Variants in FMNL2 observed in about 807,000 individuals in gnomAD.
The protein encoded by FMNL2 is formin-like protein 2.
A neutral mutation model predicts 130.2 loss-of-function variants in FMNL2; 51 were observed. The ratio of observed to expected loss-of-function variants is 0.39; its 90% confidence interval spans 0.31 to 0.49. The LOEUF is 0.49. FMNL2 is among the 20% of genes least tolerant of loss of function. FMNL2 has a pLI of 0.85. For synonymous variants in FMNL2, 465 were observed against 467.1 expected, an observed-to-expected ratio of 1.00 and a Z score of 0.06; for missense variants, 977 against 1,316.2, an observed-to-expected ratio of 0.74 and a Z score of 3.99.
intron 4 of FMNL2, among the ~76,000 whole-genome samples, chr2:152,557,559 CAAAG>C (rs778387824): frequency 6.6e-6 from 1 of 152,122 alleles, no homozygotes; most frequent in Non-Finnish European, 1.5e-5. Context: ...GAGGATGAAA[CAAAG>C]AACCCCTTCC....
At chr2:152,498,218 A>G (rs752640434) in intron 1 of FMNL2, among the ~76,000 whole-genome samples, 52 of 152,202 alleles carry the variant, frequency 3.4e-4, no homozygotes, top group Non-Finnish European at 6.6e-4. Context: ...CTTGGAGGCT[A>G]TCTTAAAATT....
intron 1 of FMNL2, among the ~76,000 whole-genome samples, chr2:152,424,501 C>T (rs942044271): frequency 4.6e-5 from 7 of 151,986 alleles, no homozygotes; most frequent in Admixed American, 2.6e-4. Context: ...AGTGATTCTC[C>T]TGCCTCAGCC....
intron 4 of FMNL2, among the ~76,000 whole-genome samples, chr2:152,550,707 C>G (rs1694888960): frequency 6.6e-6 from 1 of 152,192 alleles, no homozygotes; most frequent in Non-Finnish European, 1.5e-5. Flanking sequence ...CATTTAGACT[C>G]AGCACATTTA....
chr2:152,341,746 G>A (rs1407016576), intron 1 of FMNL2, among the ~76,000 whole-genome samples: 1 of 152,228 alleles, frequency 6.6e-6, no homozygotes, highest in Non-Finnish European at 1.5e-5. Flanking sequence ...GCTTTCAGGT[G>A]GAAATGTGTG....
At chr2:152,559,493 G>A (rs1399709267) in intron 5 of FMNL2, among the ~76,000 whole-genome samples, 2 of 152,070 alleles carry the variant, frequency 1.3e-5, no homozygotes, top group East Asian at 1.9e-4. Flanking sequence ...CAGTAGAGAC[G>A]GGGTTTCACC....
At chr2:152,420,313 T>A (rs1346689537) in intron 1 of FMNL2, among the ~76,000 whole-genome samples, 1 of 152,230 alleles carries the variant, frequency 6.6e-6, no homozygotes, top group East Asian at 1.9e-4. Flanking sequence ...TTGGTAGAAC[T>A]GAGTTAAAAA....
intron 7 of FMNL2, among the ~76,000 whole-genome samples, chr2:152,575,773 G>T (rs1444271663): frequency 6.6e-6 from 1 of 152,156 alleles, no homozygotes; most frequent in Non-Finnish European, 1.5e-5. Flanking sequence ...AGAGACAGTG[G>T]TTCTCAAAGG....
chr2:152,497,421 T>C (rs1691575008), intron 1 of FMNL2, among the ~76,000 whole-genome samples: 1 of 152,216 alleles, frequency 6.6e-6, no homozygotes, highest in Non-Finnish European at 1.5e-5. Context: ...TTAGGTTCTC[T>C]TATTTCATTT....
chr2:152,577,880 A>G (rs1696562539), intron 7 of FMNL2, among the ~76,000 whole-genome samples: 1 of 152,214 alleles, frequency 6.6e-6, no homozygotes, highest in South Asian at 2.1e-4. Flanking sequence ...TGTAAAGGAT[A>G]GCAGAGAAAT....
At chr2:152,346,491 A>C (rs1242821093) in intron 1 of FMNL2, among the ~76,000 whole-genome samples, 1 of 151,874 alleles carries the variant, frequency 6.6e-6, no homozygotes. Context: ...GAAAATTAAA[A>C]AAAGAAACCA....
At chr2:152,356,703 C>A in intron 1 of FMNL2, among the ~76,000 whole-genome samples, 1 of 146,190 alleles carries the variant, frequency 6.8e-6, no homozygotes, top group East Asian at 2.0e-4. Flanking sequence ...ATCCTTTTTG[C>A]TTTCTATTTA....
At chr2:152,482,160 T>C (rs564218132) in intron 1 of FMNL2, among the ~76,000 whole-genome samples, 2 of 152,258 alleles carry the variant, frequency 1.3e-5, no homozygotes, top group African/African-American at 4.8e-5. Flanking sequence ...TTCAAATTCC[T>C]AAATGAAAAC....
At position 152,408,600 on chromosome 2, in the gene FMNL2, A is replaced by AC. The variant is rs1237574878; in HGVS notation, c.117+72883dup. ...TACGGGTTTTTTTTTGCCCTGATAAACCCATTGTAAGTTGAAAATATTGAC... is the reference window on the plus strand; with the variant it reads ...TACGGGTTTTTTTTTGCCCTGATAAACCCCATTGTAAGTTGAAAATATTGAC... On this transcript the variant is annotated intron_variant, in intron 1 of 25. Transcript: ENST00000288670. 2.6e-5 allele frequency among the ~76,000 whole-genome samples: 4 copies of AC among 152,122 alleles called. No individual in the cohort carries two copies. In the East Asian group the frequency reaches 7.7e-4, roughly 29 times the overall value.
chr2:152,580,214 C>T (rs1174005824), intron 8 of FMNL2, among the ~76,000 whole-genome samples: 1 of 151,948 alleles, frequency 6.6e-6, no homozygotes, highest in Non-Finnish European at 1.5e-5. Flanking sequence ...AGCTGTTATT[C>T]CAGAAAAAAA....
At chr2:152,456,744 C>T (rs1314470001) in intron 1 of FMNL2, among the ~76,000 whole-genome samples, 3 of 151,942 alleles carry the variant, frequency 2.0e-5, no homozygotes, top group Non-Finnish European at 4.4e-5. Context: ...GAGTTTGAGA[C>T]CAGCCTGACC....
chr2:152,408,979 A>G lies in FMNL2; in HGVS notation c.117+73259A>G, dbSNP rs567862629. Among the ~76,000 whole-genome samples, 6 of 152,316 alleles carry G rather than the reference A, an allele frequency of 3.9e-5. 1 individual carries two copies. The South Asian group carries it at 1.2e-3, about 32-fold the overall frequency. The stretch of plus-strand genomic sequence containing the variant: ...TTGATTTCTAAAGTCAATCCTTAGC[A>G]GATACTTTAAAACAACAAAGAACTA... On this transcript the variant is annotated intron_variant, in intron 1 of 25. Transcript: ENST00000288670.
chr2:152,607,007 T>TG (rs1559003090), intron 9 of FMNL2, among the ~76,000 whole-genome samples: 6 of 103,698 alleles, frequency 5.8e-5, no homozygotes, highest in African/African-American at 2.1e-4. Flanking sequence ...TTTTTTTTTG[T>TG]TTTTTTTTTT....
chr2:152,372,316 A>G (rs1048816743), intron 1 of FMNL2, among the ~76,000 whole-genome samples: 2 of 152,184 alleles, frequency 1.3e-5, no homozygotes, highest in Non-Finnish European at 2.9e-5. Context: ...TGTCAGATTT[A>G]TGTTTCCTAA....
intron 1 of FMNL2, among the ~76,000 whole-genome samples, chr2:152,468,512 A>G (rs1370416150): frequency 6.6e-6 from 1 of 152,182 alleles, no homozygotes; most frequent in Non-Finnish European, 1.5e-5. Flanking sequence ...TCTGCTGAAA[A>G]TTTAGCATGT....
Sources: gnomAD v4.1 joint callset for allele counts (sites outside exome capture counted in the v4.1 genomes callset) on GRCh38, gnomAD v4.1.1 for gene constraint, MANE v1.5 for transcripts, NCBI Gene and HGNC (gene_info 2026-07-23, HGNC 2026-07-21) for gene names.